Variants in BLTP1 observed in about 807,000 individuals in gnomAD.
BLTP1 encodes fragile site-associated protein.
the BLTP1 span, among the ~76,000 whole-genome samples, chr4:122,186,411 A>C: frequency 6.6e-6 from 1 of 152,160 alleles, no homozygotes; most frequent in East Asian, 1.9e-4. Flanking sequence ...TAATCTAAAA[A>C]AGTCCCGTTC....
At chr4:122,196,764 A>G in the BLTP1 span, 1 of 1,596,506 alleles carries the variant, frequency 6.3e-7, no homozygotes, top group Middle Eastern at 1.7e-4. Context: ...CAGATGCTAC[A>G]ATTGATTTGC....
At chr4:122,353,273 T>G in the BLTP1 span, 1 of 1,466,440 alleles carries the variant, frequency 6.8e-7, no homozygotes, top group Non-Finnish European at 9.0e-7. This position sits in a 1 kb window ranked among gnomAD's most constrained non-coding sequence, Gnocchi z 4.3. Context: ...TGTTAAGGAG[T>G]TCACTACCAA....
chr4:122,240,743 C>T, the BLTP1 span, among the ~76,000 whole-genome samples: 1 of 152,126 alleles, frequency 6.6e-6, no homozygotes, highest in African/African-American at 2.4e-5. Context: ...TGTCCACTTA[C>T]TTGACATTTG....
the BLTP1 span, chr4:122,243,023 A>C: frequency 6.2e-7 from 1 of 1,611,482 alleles, no homozygotes; most frequent in East Asian, 2.2e-5. Context: ...CTCACAGCTA[A>C]TTCTTTGCTA....
chr4:122,225,138 G>A, the BLTP1 span: 1 of 517,622 alleles, frequency 1.9e-6, no homozygotes, highest in South Asian at 7.6e-5. Context: ...AAGGTTCTTT[G>A]CTTGTCATGT....
the BLTP1 span, chr4:122,209,968 A>G: frequency 6.3e-6 from 10 of 1,586,298 alleles, no homozygotes; most frequent in South Asian, 9.1e-5. Flanking sequence ...AGCTGCTATT[A>G]TGATTGATAA....
the BLTP1 span, chr4:122,279,668 A>C: frequency 7.9e-7 from 1 of 1,270,246 alleles, no homozygotes; most frequent in Admixed American, 2.8e-5. Flanking sequence ...AACTTTTTGA[A>C]GACCTCTCAA....
the BLTP1 span, among the ~76,000 whole-genome samples, chr4:122,179,136 T>A: frequency 6.6e-6 from 1 of 152,014 alleles, no homozygotes. Context: ...AAAAATGAGC[T>A]GGGTGTGCTG....
chr4:122,212,172 G>A, the BLTP1 span: 117 of 425,484 alleles, frequency 2.7e-4, no homozygotes, highest in Admixed American at 2.6e-4. Context: ...GGGTTTTGAA[G>A]GTATATAGCA....
At chr4:122,283,022 T>G in the BLTP1 span, among the ~76,000 whole-genome samples, 1 of 152,192 alleles carries the variant, frequency 6.6e-6, no homozygotes, top group Non-Finnish European at 1.5e-5. Flanking sequence ...TTTAACTTTT[T>G]CTTTTGATCA....
At chr4:122,252,518 C>A in the BLTP1 span, among the ~76,000 whole-genome samples, 12 of 152,168 alleles carry the variant, frequency 7.9e-5, no homozygotes, top group Admixed American at 7.9e-4. Flanking sequence ...TGTGACAGTA[C>A]TCCCCATGGG....
At chr4:122,244,797 A>T in the BLTP1 span, among the ~76,000 whole-genome samples, 1 of 152,206 alleles carries the variant, frequency 6.6e-6, no homozygotes, top group Non-Finnish European at 1.5e-5. Context: ...ATCATTGCCC[A>T]GTGTGGAACA....
the BLTP1 span, chr4:122,271,748 A>G: frequency 6.8e-7 from 1 of 1,461,894 alleles, no homozygotes. Context: ...TTATGTTTTA[A>G]AAATTTCCAT....
the BLTP1 span, among the ~76,000 whole-genome samples, chr4:122,297,141 G>A: frequency 8.6e-5 from 13 of 152,002 alleles, no homozygotes; most frequent in African/African-American, 2.9e-4. Context: ...CAGACAGAAT[G>A]GGGAAAATTT....
the BLTP1 span, chr4:122,172,072 T>G: frequency 3.6e-6 from 2 of 563,226 alleles, no homozygotes; most frequent in Non-Finnish European, 4.5e-6. Flanking sequence ...TTACAAAATA[T>G]TTTTTCTAGA....
chr4:122,252,559 T>C, the BLTP1 span, among the ~76,000 whole-genome samples: 1 of 152,212 alleles, frequency 6.6e-6, no homozygotes, highest in African/African-American at 2.4e-5. Context: ...GGGGTAAGGA[T>C]TCTCTGCCTG....
chr4:122,337,181 A>C, the BLTP1 span: 1 of 621,630 alleles, frequency 1.6e-6, no homozygotes, highest in African/African-American at 1.9e-5. Flanking sequence ...AATATGTGTG[A>C]AGTATGTGTA....
At chr4:122,359,309 C>T in the BLTP1 span, 5 of 977,174 alleles carry the variant, frequency 5.1e-6, no homozygotes, top group Non-Finnish European at 6.1e-6. Context: ...CTATCAATTT[C>T]AGTGCCATAG....
At chr4:122,314,105 A>G in the BLTP1 span, 12 of 984,444 alleles carry the variant, frequency 1.2e-5, no homozygotes, top group Non-Finnish European at 1.4e-5. Flanking sequence ...GGGATCAGAG[A>G]AAACTTCATG....
Sources: allele counts gnomAD v4.1 joint callset (sites outside exome capture counted in the v4.1 genomes callset), GRCh38; gene constraint gnomAD v4.1.1; non-coding constraint Gnocchi (gnomAD v3.1); transcripts MANE v1.5; gene names NCBI Gene and HGNC (gene_info 2026-07-23, HGNC 2026-07-21).